VWA3B: variants seen among roughly 807,000 people sequenced by gnomAD.
VWA3B encodes the protein von Willebrand factor A domain-containing protein 3B.
Under a neutral mutation model 158.3 loss-of-function variants are expected in VWA3B, and 138 were observed. The ratio of observed to expected loss-of-function variants is 0.87; its 90% confidence interval spans 0.76 to 1.00. The LOEUF is 1.00. Ranked by LOEUF, VWA3B falls within the 50% of genes least tolerant of loss-of-function variation. VWA3B has a pLI of 0.00. For synonymous variants in VWA3B, 596 were observed against 587.3 expected, an observed-to-expected ratio of 1.01 and a Z score of -0.21; for missense variants, 1,555 against 1,565.1, an observed-to-expected ratio of 0.99 and a Z score of 0.11.
intron 14 of VWA3B, among the ~76,000 whole-genome samples, chr2:98,221,975 T>C (rs1171312628): frequency 6.6e-6 from 1 of 152,192 alleles, no homozygotes; most frequent in Non-Finnish European, 1.5e-5. Context: ...GGCCACGCTC[T>C]GCTTTCCCCC....
chr2:98,295,954 T>C (rs1023463747), intron 23 of VWA3B, among the ~76,000 whole-genome samples: 2 of 152,176 alleles, frequency 1.3e-5, no homozygotes, highest in Non-Finnish European at 2.9e-5. Context: ...ACTGTGCTCA[T>C]TTCTGGAGAT....
chr2:98,290,181 A>G (rs1322891594), intron 22 of VWA3B, among the ~76,000 whole-genome samples: 1 of 152,224 alleles, frequency 6.6e-6, no homozygotes, highest in Non-Finnish European at 1.5e-5. Flanking sequence ...GAAACTTACA[A>G]TCATGGCAGA....
intron 23 of VWA3B, chr2:98,291,657 G>A (rs945921250): frequency 6.6e-6 from 1 of 152,218 alleles, no homozygotes; most frequent in Non-Finnish European, 1.5e-5. Context: ...GGATACCAAG[G>A]GGTTAGGATG....
chr2:98,226,831 C>T (rs1684950598), intron 14 of VWA3B, among the ~76,000 whole-genome samples: 1 of 152,052 alleles, frequency 6.6e-6, no homozygotes, highest in South Asian at 2.1e-4. Flanking sequence ...GGGTCAACAT[C>T]GTAAAATTCA....
chr2:98,105,451 T>G (rs1673567299), intron 2 of VWA3B, among the ~76,000 whole-genome samples: 1 of 152,238 alleles, frequency 6.6e-6, no homozygotes, highest in African/African-American at 2.4e-5. Context: ...TAGATTTCTG[T>G]AACCACCACT....
At chr2:98,167,083 C>A (rs1032274415) in intron 8 of VWA3B, among the ~76,000 whole-genome samples, 1 of 152,118 alleles carries the variant, frequency 6.6e-6, no homozygotes, top group Non-Finnish European at 1.5e-5. Context: ...AGCAGCTGTT[C>A]CCCTAAGCTG....
At chr2:98,094,753 G>C (rs1396242811) in intron 2 of VWA3B, among the ~76,000 whole-genome samples, 1 of 152,128 alleles carries the variant, frequency 6.6e-6, no homozygotes, top group East Asian at 1.9e-4. Context: ...CATATTTTCA[G>C]ATCCTACAAT....
At chr2:98,196,349 A>G (rs192210775) in intron 12 of VWA3B, among the ~76,000 whole-genome samples, 361 of 152,350 alleles carry the variant, frequency 2.4e-3, no homozygotes, top group African/African-American at 8.2e-3. Context: ...ACATATACAT[A>G]TATCAAAACA....
chr2:98,271,754 A>T (rs541859753), intron 22 of VWA3B, among the ~76,000 whole-genome samples: 1 of 152,342 alleles, frequency 6.6e-6, no homozygotes, highest in African/African-American at 2.4e-5. Flanking sequence ...CAGCCTTAGA[A>T]GTAGTATTTC....
At position 98,125,420 on chromosome 2, in the gene VWA3B, C is replaced by T. The variant is rs545979235; in HGVS notation, c.703-2819C>T. On this transcript the variant is annotated intron_variant, in intron 5 of 27. Transcript: ENST00000477737. The surrounding 1 kb of genome is among the most constrained non-coding windows in gnomAD (Gnocchi z 4.1). ...CAAGGGCAGGGCTTGTGGGGCCAGG[C>T]AGCCTAGGCTTACCAGCTTCAAGGC... is the stretch of plus-strand genomic sequence containing the variant. 6.6e-6 allele frequency among the ~76,000 whole-genome samples: 1 copy of T among 152,220 alleles called. No homozygotes were observed. Among genetic ancestry groups the T allele is most frequent in the East Asian group, 1.9e-4 (1 of 5,196 alleles).
At chr2:98,256,038 G>A in intron 20 of VWA3B, 86 bp from the exon 21 acceptor site, 2 of 1,452,190 alleles carry the variant, frequency 1.4e-6, no homozygotes, top group Non-Finnish European at 1.9e-6. Context: ...GCTTAGATGG[G>A]CTCCCACTGC....
At chr2:98,233,815 A>G (rs1258023790) in intron 16 of VWA3B, among the ~76,000 whole-genome samples, 1 of 152,244 alleles carries the variant, frequency 6.6e-6, no homozygotes, top group East Asian at 1.9e-4. Context: ...GAATGCTGAC[A>G]TAAAGCCTTG....
At chr2:98,203,762 G>A (rs1054551468) in intron 12 of VWA3B, among the ~76,000 whole-genome samples, 1 of 152,178 alleles carries the variant, frequency 6.6e-6, no homozygotes, top group Non-Finnish European at 1.5e-5. Context: ...GTTTTCATGT[G>A]TGGACTTTGC....
intron 20 of VWA3B, among the ~76,000 whole-genome samples, chr2:98,255,579 A>G (rs1171120202): frequency 2.0e-5 from 3 of 152,068 alleles, no homozygotes; most frequent in African/African-American, 7.3e-5. Flanking sequence ...AAACGCGATC[A>G]GTCTCAGCAC....
chr2:98,093,115 C>T lies in VWA3B; in HGVS notation c.23C>T (p.Ser8Phe). 1 of 1,613,916 alleles carries T rather than the reference C, an allele frequency of 6.2e-7. No individual in the cohort carries two copies. The highest frequency in any genetic ancestry group is 8.5e-7 in the Non-Finnish European group (1 of 1,179,884). MEKSGPS[S>F]TISEQQLQRQ... ...GAGATGGAGAAATCAGGCCCATCTT[C>T]TACCATCTCTGAGCAGCAGCTGCAG... Residue 8 changes from serine to phenylalanine, a missense_variant, in exon 2 of 28, where the codon TCT becomes TTT. Coordinates refer to ENST00000477737, the MANE Select transcript of VWA3B (RefSeq NM_144992.5).
chr2:98,321,259 G>A, the VWA3B span, among the ~76,000 whole-genome samples: 1 of 152,180 alleles, frequency 6.6e-6, no homozygotes, highest in Non-Finnish European at 1.5e-5. Flanking sequence ...TCAGGGATGG[G>A]GCCCTCATGG....
At chr2:98,274,177 G>C (rs966441230) in intron 22 of VWA3B, among the ~76,000 whole-genome samples, 2 of 152,178 alleles carry the variant, frequency 1.3e-5, no homozygotes, top group Non-Finnish European at 2.9e-5. Flanking sequence ...ATGGGGATTT[G>C]TTAGCTGTGT....
Position 98,162,894 on chromosome 2 carries a change from G to A in VWA3B, c.1032G>A (p.Met344Ile). The change falls in exon 8 of 28, where the codon ATG (methionine) becomes ATA (isoleucine). Residue 344 changes from methionine (M) to isoleucine (I), a missense_variant. Coordinates refer to ENST00000477737, the MANE Select transcript of VWA3B (RefSeq NM_144992.5). ...REDVFLVWQE[M>I]EEACSTLAQI... ...ACGTGTTTCTCGTTTGGCAAGAGATGGAGGAAGCCTGCAGCACGCTGGCCC... is the reference window on the plus strand; with the variant it reads ...ACGTGTTTCTCGTTTGGCAAGAGATAGAGGAAGCCTGCAGCACGCTGGCCC... 1 of 1,613,984 alleles carries A rather than the reference G, an allele frequency of 6.2e-7. No homozygotes were observed. Among genetic ancestry groups the A allele is most frequent in the Non-Finnish European group, 8.5e-7 (1 of 1,180,040 alleles).
chr2:98,103,253 G>C (rs1303001068), intron 2 of VWA3B, among the ~76,000 whole-genome samples: 1 of 151,516 alleles, frequency 6.6e-6, no homozygotes, highest in African/African-American at 2.4e-5. Context: ...TTAGTTTGCT[G>C]GTTTTTAAAA....
Sources: gnomAD v4.1 joint callset for allele counts (sites outside exome capture counted in the v4.1 genomes callset) on GRCh38, gnomAD v4.1.1 for gene constraint, Gnocchi (gnomAD v3.1) non-coding constraint, MANE v1.5 for transcripts, NCBI Gene and HGNC (gene_info 2026-07-23, HGNC 2026-07-21) for gene names.